Variants in DOCK10 observed in about 807,000 individuals in gnomAD.
DOCK10 encodes dedicator of cytokinesis protein 10.
Under a neutral mutation model 280.1 loss-of-function variants are expected in DOCK10, and 145 were observed. The observed-to-expected ratio is 0.52, with a 90% CI of 0.45 to 0.59. DOCK10 has a LOEUF of 0.59. DOCK10 is among the 20% of genes least tolerant of loss of function. DOCK10 has a pLI of 0.00. For synonymous variants in DOCK10, 915 were observed against 942.2 expected (o/e 0.97, Z 0.53); for missense variants, 2,368 against 2,651.7 (o/e 0.89, Z 2.35).
chr2:224,982,177 A>G (rs1186349209), intron 1 of DOCK10: 6 of 1,227,754 alleles, frequency 4.9e-6, no homozygotes, highest in Admixed American at 4.2e-5. Context: ...AGTTCAATCC[A>G]CTGAGGCTGC....
intron 4 of DOCK10, among the ~76,000 whole-genome samples, chr2:224,893,948 A>C (rs1365716768): frequency 1.3e-5 from 2 of 152,182 alleles, no homozygotes; most frequent in Non-Finnish European, 2.9e-5. Flanking sequence ...TTAGCTTTGT[A>C]AAATCATTTT....
At chr2:225,035,575 T>TATA (rs1559986884) in intron 1 of DOCK10, among the ~76,000 whole-genome samples, 4 of 89,584 alleles carry the variant, frequency 4.5e-5, no homozygotes, top group Non-Finnish European at 8.9e-5. Context: ...TATATATATA[T>TATA]ATATATATAT....
chr2:224,779,967 G>A (rs1691191272), intron 50 of DOCK10, among the ~76,000 whole-genome samples: 2 of 152,060 alleles, frequency 1.3e-5, no homozygotes, highest in Admixed American at 6.6e-5. Flanking sequence ...CACAATGCCT[G>A]GTCTTTAGGA....
At chr2:224,967,228 C>G (rs1253630511) in intron 1 of DOCK10, among the ~76,000 whole-genome samples, 1 of 152,108 alleles carries the variant, frequency 6.6e-6, no homozygotes, top group African/African-American at 2.4e-5. Context: ...TACAGGGGCC[C>G]ACCACCATGT....
intron 1 of DOCK10, among the ~76,000 whole-genome samples, chr2:224,940,449 T>C (rs1047056442): frequency 1.3e-5 from 2 of 152,188 alleles, no homozygotes; most frequent in Non-Finnish European, 2.9e-5. Context: ...ATTTGAATGG[T>C]CTTAAAGGAG....
chr2:224,792,736 T>C (rs1349142404), intron 47 of DOCK10, among the ~76,000 whole-genome samples: 1 of 152,258 alleles, frequency 6.6e-6, no homozygotes, highest in Non-Finnish European at 1.5e-5. Context: ...ACTCATAAAC[T>C]TGAATGTTGG....
intron 1 of DOCK10, among the ~76,000 whole-genome samples, chr2:224,966,879 A>G (rs1449454720): frequency 6.6e-6 from 1 of 151,868 alleles, no homozygotes; most frequent in Non-Finnish European, 1.5e-5. Context: ...GCTCATCTAG[A>G]AGCAGGTACT....
chr2:224,846,203 G>A (rs1403046776), intron 19 of DOCK10, among the ~76,000 whole-genome samples: 1 of 152,182 alleles, frequency 6.6e-6, no homozygotes, highest in Non-Finnish European at 1.5e-5. Flanking sequence ...GATAATTCAT[G>A]CTACTAGGGT....
Position 224,865,094 on chromosome 2 carries a change from G to A in DOCK10, c.1258-7C>T, listed in dbSNP as rs375695820. 4.3e-5 allele frequency: 70 copies of A among 1,610,838 alleles called. No homozygotes were observed. The East Asian group carries it at 7.8e-4, about 18-fold the overall frequency. On this transcript the variant is annotated splice_polypyrimidine_tract_variant and splice_region_variant and intron_variant, in intron 11 of 55. Coordinates refer to ENST00000258390, the MANE Select transcript of DOCK10 (RefSeq NM_014689.3). ...TCACAAAAAAAGGCTCAATCTGCATGAAAAAGAAAGAACAGATGTTTTTGA... is the reference window on the plus strand; with the variant it reads ...TCACAAAAAAAGGCTCAATCTGCATAAAAAAGAAAGAACAGATGTTTTTGA...
At chr2:224,999,712 G>GTTTTTTT (rs35668501) in intron 1 of DOCK10, among the ~76,000 whole-genome samples, 4 of 142,698 alleles carry the variant, frequency 2.8e-5, no homozygotes, top group African/African-American at 1.0e-4. Flanking sequence ...CTATAATGGT[G>GTTTTTTT]TTTTTTTTTT....
intron 18 of DOCK10, among the ~76,000 whole-genome samples, chr2:224,850,445 G>A (rs2125532294): frequency 6.6e-6 from 1 of 152,276 alleles, no homozygotes; most frequent in African/African-American, 2.4e-5. Flanking sequence ...ACCAACCCCA[G>A]GAAAATAACA....
intron 15 of DOCK10, 46 bp from the exon 16 acceptor site, chr2:224,855,088 C>A (rs1697029675): frequency 2.5e-6 from 3 of 1,180,626 alleles, no homozygotes; most frequent in Non-Finnish European, 3.6e-6. Flanking sequence ...CACACACACA[C>A]ACACACACAC....
intron 24 of DOCK10, 88 bp downstream of exon 24, chr2:224,839,866 C>A: frequency 3.7e-6 from 2 of 543,594 alleles, no homozygotes; most frequent in Non-Finnish European, 6.4e-6. Context: ...TGTAAACACA[C>A]AACAGTAGAT....
chr2:224,956,054 A>G (rs1290275702), intron 1 of DOCK10, among the ~76,000 whole-genome samples: 2 of 152,238 alleles, frequency 1.3e-5, no homozygotes, highest in Non-Finnish European at 2.9e-5. Flanking sequence ...GCAGAAACGA[A>G]GTGACAAATG....
chr2:225,025,878 C>G (rs1177855810), intron 1 of DOCK10, among the ~76,000 whole-genome samples: 1 of 152,056 alleles, frequency 6.6e-6, no homozygotes, highest in Non-Finnish European at 1.5e-5. Context: ...AACCAAGAAT[C>G]ATTTATGAAG....
chr2:225,025,328 A>T (rs1209943299), intron 1 of DOCK10, among the ~76,000 whole-genome samples: 4 of 152,208 alleles, frequency 2.6e-5, no homozygotes, highest in Admixed American at 6.5e-5. Context: ...AGGCAGTAAG[A>T]GGACACTGGA....
chr2:224,799,013 A>G (rs1269415340), intron 41 of DOCK10, among the ~76,000 whole-genome samples: 26 of 152,370 alleles, frequency 1.7e-4, no homozygotes, highest in Non-Finnish European at 1.0e-4. Context: ...GTTTTATTGA[A>G]GTATAATTGA....
intron 2 of DOCK10, 35 bp downstream of exon 2, chr2:224,931,514 C>G (rs1222153727): frequency 6.4e-7 from 1 of 1,573,644 alleles, no homozygotes. Context: ...GTAGGGCCCT[C>G]CTGAATCTAA....
At chr2:224,998,747 C>A (rs915859806) in intron 1 of DOCK10, among the ~76,000 whole-genome samples, 2 of 152,148 alleles carry the variant, frequency 1.3e-5, no homozygotes, top group Admixed American at 1.3e-4. Context: ...CACTCTTAAC[C>A]CAGGGGGATT....
Sources: allele counts gnomAD v4.1 joint callset (sites outside exome capture counted in the v4.1 genomes callset), GRCh38; gene constraint gnomAD v4.1.1; transcripts MANE v1.5; gene names NCBI Gene and HGNC (gene_info 2026-07-23, HGNC 2026-07-21).